MRPL19: variants seen among roughly 807,000 people sequenced by gnomAD.
MRPL19 encodes mitochondrial ribosomal protein L19.
In MRPL19, 31 loss-of-function variants were observed where a neutral mutation model predicts 34.0. That is an observed-to-expected ratio of 0.91 (90% CI 0.68 to 1.23). The LOEUF (loss-of-function observed/expected upper bound fraction) is 1.23. Ranked by LOEUF, MRPL19 falls within the 50% of genes most tolerant of loss-of-function variation. MRPL19 has a pLI of 0.00. For synonymous variants in MRPL19, 152 were observed against 127.7 expected (o/e 1.19, Z -1.28); for missense variants, 384 against 367.6 (o/e 1.04, Z -0.37).
At position 75,654,791 on chromosome 2, in the gene MRPL19, C is replaced by T. The variant is rs977634030; in HGVS notation, c.531C>T (p.Val177=). ...YNPRVQEIQV[V]KLEKRLDDSL... ...CTCGGGTCCAGGAGATTCAGGTGGT[C>T]AAATTAGAGAAACGGCTGGATGATA... The change falls in exon 5 of 6, where the codon GTC becomes GTT. Residue 177 remains valine, a synonymous_variant. Coordinates refer to ENST00000393909, the MANE Select transcript of MRPL19 (RefSeq NM_014763.4). The T allele has an allele frequency of 1.9e-6, 3 of 1,613,482 alleles. No individual in the cohort carries two copies. In the African/African-American group the frequency reaches 4.0e-5, roughly 22 times the overall value.
In MRPL19 at chr2:75,659,415, T is replaced by A. The variant is rs1047976230; in HGVS notation, c.*4130T>A. On this transcript the variant is annotated 3_prime_UTR_variant, in exon 6 of 6. Transcript: ENST00000393909. The stretch of plus-strand genomic sequence containing the variant: ...TAAAAAGTGGAGTTAGAAAACAGTA[T>A]GATAGTAATACTGACTTTTATATTT... Among the ~76,000 whole-genome samples the A allele has an allele frequency of 2.0e-5, 3 of 152,182 alleles. No homozygotes were observed. Among genetic ancestry groups the A allele is most frequent in the Non-Finnish European group, 4.4e-5 (3 of 68,024 alleles).
Position 75,658,443 on chromosome 2 carries a change from A to C in MRPL19, c.*3158A>C, listed in dbSNP as rs1052949852. Among the ~76,000 whole-genome samples the C allele has an allele frequency of 6.6e-6, 1 of 152,104 alleles. No individual in the cohort carries two copies. Among genetic ancestry groups the C allele is most frequent in the Non-Finnish European group, 1.5e-5 (1 of 68,012 alleles). On this transcript the variant is annotated 3_prime_UTR_variant, in exon 6 of 6. Coordinates refer to ENST00000393909, the MANE Select transcript of MRPL19 (RefSeq NM_014763.4). ...ATATGTCTACCTTTTGGCTATTGTG[A>C]ATAATGCTGCAGTAAACATTGACAT...
At position 75,651,271 on chromosome 2, in the gene MRPL19, G is replaced by T. The variant is rs73936756; in HGVS notation, c.222-871G>T. On this transcript the variant is annotated intron_variant, in intron 2 of 5. Coordinates refer to ENST00000393909, the MANE Select transcript of MRPL19 (RefSeq NM_014763.4). ...CATCCAAGGAAGAGAAAATGGTTCA[G>T]GGACACGATGTGCTGCAGCTGTGTC... The T allele has an allele frequency of 2.8e-3, 1,405 of 498,496 alleles. 13 individuals carry two copies. Among genetic ancestry groups the T allele is most frequent in the African/African-American group, 0.025 (1,310 of 51,738 alleles). 30.9% of individuals were successfully genotyped at this position (498,496 alleles called of 1,614,324 possible). A position where few individuals can be genotyped will look rare whatever the true frequency, so the allele number is the denominator to read the frequency against.
chr2:75,648,445 G>A (rs1678264585), intron 2 of MRPL19, among the ~76,000 whole-genome samples: 1 of 152,120 alleles, frequency 6.6e-6, no homozygotes, highest in Admixed American at 6.5e-5. Context: ...ACAGAATATT[G>A]TATAGCAGTG....
chr2:75,653,699 C>CTAAA (rs1656181324), intron 4 of MRPL19, among the ~76,000 whole-genome samples: 1 of 152,176 alleles, frequency 6.6e-6, no homozygotes, highest in Non-Finnish European at 1.5e-5. Flanking sequence ...AGGACTGACC[C>CTAAA]TTTTTAAGTT....
Position 75,656,986 on chromosome 2 carries a change from T to G in MRPL19, c.*1701T>G, listed in dbSNP as rs1678469323. On this transcript the variant is annotated 3_prime_UTR_variant, in exon 6 of 6. Coordinates refer to ENST00000393909, the MANE Select transcript of MRPL19 (RefSeq NM_014763.4). ...TCTTTGCTATTGTATTTTAAAATCT[T>G]AAGACCCCTTCTTGATTTGTAGAAG... is the stretch of plus-strand genomic sequence containing the variant. 6.6e-6 allele frequency: 1 copy of G among 152,154 alleles called. No homozygotes were observed. Among genetic ancestry groups the G allele is most frequent in the South Asian group, 2.1e-4 (1 of 4,826 alleles). 9.4% of individuals were successfully genotyped at this position (152,154 alleles called of 1,614,324 possible).
rs376612364 is a variant in MRPL19, at chr2:75,660,331, T to C, written c.*5046T>C. ...AAGACAATTGTTTAAAGTCTTTGCA[T>C]AGTAAGTCCAATGTCTGTGTTTCTT... On this transcript the variant is annotated 3_prime_UTR_variant, in exon 6 of 6. Coordinates refer to ENST00000393909, the MANE Select transcript of MRPL19 (RefSeq NM_014763.4). 2 of 152,330 alleles carry C rather than the reference T, an allele frequency of 1.3e-5. No individual in the cohort carries two copies. The highest frequency in any genetic ancestry group is 4.8e-5 in the African/African-American group (2 of 41,582). The allele number at this position is 152,330 out of a possible 1,614,324, so 9.4% of individuals were successfully genotyped here. A position where few individuals can be genotyped will look rare whatever the true frequency, so the allele number is the denominator to read the frequency against.
rs73936755 is a variant in MRPL19, at chr2:75,650,996, C to G, written c.222-1146C>G. 4.4e-3 allele frequency among the ~76,000 whole-genome samples: 667 copies of G among 152,294 alleles called. 2 individuals are homozygous for G. The highest frequency in any genetic ancestry group is 0.015 in the African/African-American group (605 of 41,554). ...CAGTCAGTAGGGAGTAGAAGGGCCT[C>G]TGCTGTTCTGGGAAGATTCTTACAG... On this transcript the variant is annotated intron_variant, in intron 2 of 5. Transcript: ENST00000393909.
chr2:75,652,702 C>T (rs557294521), intron 4 of MRPL19, 45 bp downstream of exon 4: 2 of 1,575,234 alleles, frequency 1.3e-6, no homozygotes, highest in East Asian at 4.6e-5. Context: ...AATGTTATCT[C>T]AGGATTCCTT....
intron 2 of MRPL19, among the ~76,000 whole-genome samples, chr2:75,649,136 T>C (rs551760205): frequency 4.6e-5 from 7 of 152,338 alleles, no homozygotes; most frequent in Admixed American, 2.0e-4. Flanking sequence ...AGAGATGAGA[T>C]AGTAGGCCTT....
In MRPL19 at chr2:75,656,978, T is replaced by A. The variant is rs566187700; in HGVS notation, c.*1693T>A. The A allele has an allele frequency of 2.0e-5, 3 of 152,286 alleles. No individual in the cohort carries two copies. The South Asian group carries it at 6.2e-4, about 32-fold the overall frequency. The allele number at this position is 152,286 out of a possible 1,614,324, so 9.4% of individuals were successfully genotyped here. Reference sequence around the variant, plus strand: ...CTTCCAACTCTTTGCTATTGTATTTTAAAATCTTAAGACCCCTTCTTGATT... The same window carrying A: ...CTTCCAACTCTTTGCTATTGTATTTAAAAATCTTAAGACCCCTTCTTGATT... On this transcript the variant is annotated 3_prime_UTR_variant, in exon 6 of 6. Coordinates refer to ENST00000393909, the MANE Select transcript of MRPL19 (RefSeq NM_014763.4).
chr2:75,646,948 G>A, intron 1 of MRPL19, 38 bp downstream of exon 1: 3 of 1,529,556 alleles, frequency 2.0e-6, no homozygotes, highest in Non-Finnish European at 2.6e-6. Context: ...GGCGCGTTAG[G>A]GGCCCAGGGT....
At chr2:75,652,735 A>T in intron 4 of MRPL19, 78 bp downstream of exon 4, 1 of 1,472,978 alleles carries the variant, frequency 6.8e-7, no homozygotes, top group Middle Eastern at 1.8e-4. Flanking sequence ...TCCTGGGATA[A>T]GAAATCTGAA....
In MRPL19 at chr2:75,661,335, A is replaced by C. The variant is rs906917275; in HGVS notation, c.*6050A>C. On this transcript the variant is annotated 3_prime_UTR_variant, in exon 6 of 6. Coordinates refer to ENST00000393909, the MANE Select transcript of MRPL19 (RefSeq NM_014763.4). ...TGTTCCTGCTTTAAAAAATATATAT[A>C]TATTTTTTAGGGATTGGGGTCTCAC... 3.9e-5 allele frequency: 6 copies of C among 151,960 alleles called. No homozygotes were observed. The highest frequency in any genetic ancestry group is 1.5e-4 in the African/African-American group (6 of 41,362). The allele number at this position is 151,960 out of a possible 1,614,324, so 9.4% of individuals were successfully genotyped here.
At chr2:75,647,474 G>T in intron 2 of MRPL19, 1 of 486,064 alleles carries the variant, frequency 2.1e-6, no homozygotes, top group Non-Finnish European at 3.6e-6. Context: ...TTTTCTCTGT[G>T]GTATTTGTCC....
rs7577196 is a variant in MRPL19, at chr2:75,660,453, C to T, written c.*5168C>T. On this transcript the variant is annotated 3_prime_UTR_variant, in exon 6 of 6. Transcript: ENST00000393909. ...TGTTGAAAACTGTATGTTTGAACAT[C>T]ATAACGTGGTGGCCCTGAAAATCAG... 75,803 of 152,010 alleles carry T rather than the reference C, an allele frequency of 0.5. 20,376 individuals carry two copies. The highest frequency in any genetic ancestry group is 0.72 in the African/African-American group (29,981 of 41,460). The allele number at this position is 152,010 out of a possible 1,614,324, so 9.4% of individuals were successfully genotyped here.
chr2:75,649,350 C>G (rs1013040217), intron 2 of MRPL19, among the ~76,000 whole-genome samples: 4 of 152,042 alleles, frequency 2.6e-5, no homozygotes, highest in African/African-American at 9.7e-5. Flanking sequence ...CAGCCCAGGA[C>G]AGCTTTAAAT....
intron 2 of MRPL19, among the ~76,000 whole-genome samples, chr2:75,649,591 A>T (rs752273471): frequency 2.6e-4 from 39 of 152,196 alleles, no homozygotes; most frequent in Non-Finnish European, 4.6e-4. Flanking sequence ...TATAGGAGCA[A>T]GTCCTTATTC....
Position 75,652,569 on chromosome 2 carries a change from A to T in MRPL19, c.387A>T (p.Lys129Asn), listed in dbSNP as rs767327638. The change falls in exon 4 of 6, where the codon AAA (lysine) becomes AAT (asparagine). Residue 129 changes from lysine (K) to asparagine (N), a missense_variant. Coordinates refer to ENST00000393909, the MANE Select transcript of MRPL19 (RefSeq NM_014763.4). Reference protein sequence around the residue: ...VTTADPYASGKISQFLGICIQ... With the variant: ...VTTADPYASGNISQFLGICIQ... ...CAGCTGACCCATATGCCAGTGGAAA[A>T]ATCAGCCAGTTTCTGGGGATTTGCA... is the stretch of plus-strand genomic sequence containing the variant. The T allele has an allele frequency of 6.2e-7, 1 of 1,613,932 alleles. No homozygotes were observed. Among genetic ancestry groups the T allele is most frequent in the Non-Finnish European group, 8.5e-7 (1 of 1,179,876 alleles).
Sources: allele counts gnomAD v4.1 joint callset (sites outside exome capture counted in the v4.1 genomes callset), GRCh38; gene constraint gnomAD v4.1.1; transcripts MANE v1.5; gene names NCBI Gene and HGNC (gene_info 2026-07-23, HGNC 2026-07-21).